Variants in SSBP2 observed in about 807,000 individuals in gnomAD.
SSBP2 encodes single stranded DNA binding protein 2, also known as single-stranded DNA-binding protein 2.
Under a neutral mutation model 61.8 loss-of-function variants are expected in SSBP2, and 17 were observed. The ratio of observed to expected loss-of-function variants is 0.28; its 90% CI spans 0.19 to 0.41. The LOEUF is 0.41. Ranked by LOEUF, SSBP2 falls within the 10% of genes least tolerant of loss-of-function variation. SSBP2 has a pLI of 1.00. For missense variants in SSBP2, 310 were observed against 458.7 expected (o/e 0.68, Z 2.96); for synonymous variants, 139 against 141.3 (o/e 0.98, Z 0.12).
intron 5 of SSBP2, among the ~76,000 whole-genome samples, chr5:81,494,862 C>A (rs1392290777): frequency 1.3e-5 from 2 of 152,006 alleles, no homozygotes; most frequent in Non-Finnish European, 1.5e-5. Context: ...CAAATGTTCA[C>A]CTCATTTTCT....
intron 1 of SSBP2, among the ~76,000 whole-genome samples, chr5:81,651,752 T>C (rs1054089496): frequency 4.6e-5 from 7 of 152,200 alleles, no homozygotes; most frequent in African/African-American, 1.7e-4. Context: ...GGAATATTCC[T>C]GTAGTTTCAA....
intron 4 of SSBP2, among the ~76,000 whole-genome samples, chr5:81,564,757 C>T (rs773297780): frequency 1.1e-4 from 17 of 152,188 alleles, no homozygotes; most frequent in Non-Finnish European, 2.2e-4. Flanking sequence ...GAGAAAGCTG[C>T]GCTAAAGAAC....
chr5:81,529,163 A>G (rs1162605379), intron 4 of SSBP2, among the ~76,000 whole-genome samples: 1 of 152,138 alleles, frequency 6.6e-6, no homozygotes, highest in Non-Finnish European at 1.5e-5. Flanking sequence ...CTGTAAGGTA[A>G]TATGTAGAAT....
chr5:81,573,544 C>T (rs1261581707), intron 4 of SSBP2, among the ~76,000 whole-genome samples: 2 of 152,194 alleles, frequency 1.3e-5, no homozygotes, highest in African/African-American at 4.8e-5. Flanking sequence ...AGATATCACT[C>T]ATAGGAAATA....
At chr5:81,523,548 C>T (rs2154097016) in intron 4 of SSBP2, among the ~76,000 whole-genome samples, 1 of 152,146 alleles carries the variant, frequency 6.6e-6, no homozygotes, top group South Asian at 2.1e-4. Flanking sequence ...GTGCAATTAC[C>T]TCTCAAAATG....
Position 81,418,477 on chromosome 5 carries a change from T to G in SSBP2, c.*2027A>C, listed in dbSNP as rs1761414282. ...TATTTTTACAAGGACTAAATCATTATGAATTTGAGAGAAGTAAGTCATCAG... is the reference window on the plus strand; with the variant it reads ...TATTTTTACAAGGACTAAATCATTAGGAATTTGAGAGAAGTAAGTCATCAG... On this transcript the variant is annotated 3_prime_UTR_variant, in exon 17 of 17. Transcript: ENST00000320672. 1 of 152,206 alleles carries G rather than the reference T, an allele frequency of 6.6e-6. No individual in the cohort carries two copies. The allele number at this position is 152,206 out of a possible 1,614,324, so 9.4% of individuals were successfully genotyped here. A position where few individuals can be genotyped will look rare whatever the true frequency, so the allele number is the denominator to read the frequency against.
At chr5:81,478,355 T>TTCTGATACAGAAAAAAAATAAGAC (rs1196705693) in intron 6 of SSBP2, among the ~76,000 whole-genome samples, 23 of 152,020 alleles carry the variant, frequency 1.5e-4, no homozygotes, top group Non-Finnish European at 2.6e-4. Context: ...TTTATTTTTT[T>TTCTGATACAGAAAAAAAATAAGAC]TCTGATACAG....
intron 1 of SSBP2, among the ~76,000 whole-genome samples, chr5:81,689,257 T>A (rs1753033608): frequency 6.6e-6 from 1 of 152,042 alleles, no homozygotes; most frequent in Non-Finnish European, 1.5e-5. Flanking sequence ...ATCTAAGAGT[T>A]ATTGGCTGTA....
intron 12 of SSBP2, among the ~76,000 whole-genome samples, chr5:81,443,650 C>T (rs1580698085): frequency 6.6e-6 from 1 of 152,196 alleles, no homozygotes; most frequent in Non-Finnish European, 1.5e-5. Flanking sequence ...GCAACCTCCG[C>T]CTCCCGGGTT....
At chr5:81,649,459 A>C (rs1036133142) in intron 2 of SSBP2, among the ~76,000 whole-genome samples, 30 of 152,140 alleles carry the variant, frequency 2.0e-4, no homozygotes, top group Admixed American at 2.0e-3. Flanking sequence ...GAATGAAATC[A>C]TGTCTTTTAC....
At chr5:81,649,619 T>G (rs998440095) in intron 2 of SSBP2, among the ~76,000 whole-genome samples, 1 of 151,864 alleles carries the variant, frequency 6.6e-6, no homozygotes, top group African/African-American at 2.4e-5. Flanking sequence ...TACAGACTAC[T>G]AGAGGTGAGA....
intron 5 of SSBP2, among the ~76,000 whole-genome samples, chr5:81,502,208 A>G (rs1314263037): frequency 6.6e-6 from 1 of 152,186 alleles, no homozygotes; most frequent in African/African-American, 2.4e-5. Flanking sequence ...CCTTGTTGTT[A>G]AATCCAATGG....
intron 1 of SSBP2, among the ~76,000 whole-genome samples, chr5:81,721,094 G>A (rs748502393): frequency 2.0e-5 from 3 of 152,096 alleles, no homozygotes; most frequent in African/African-American, 7.2e-5. Flanking sequence ...TTTTTATAAA[G>A]AGCCACAATA....
chr5:81,493,275 TAGATAGA>T (rs1285326635), intron 5 of SSBP2, among the ~76,000 whole-genome samples: 1 of 151,248 alleles, frequency 6.6e-6, no homozygotes, highest in Non-Finnish European at 1.5e-5. Context: ...GATAGATAGA[TAGATAGA>T]TAGATAGATA....
At chr5:81,643,397 C>A (rs554168140) in intron 2 of SSBP2, among the ~76,000 whole-genome samples, 1 of 152,010 alleles carries the variant, frequency 6.6e-6, no homozygotes, top group Admixed American at 6.5e-5. Context: ...ACAATAAAAC[C>A]AATTCCTGTG....
intron 8 of SSBP2, among the ~76,000 whole-genome samples, chr5:81,469,123 T>C (rs1765082492): frequency 6.6e-6 from 1 of 152,012 alleles, no homozygotes; most frequent in Non-Finnish European, 1.5e-5. Flanking sequence ...ATTTTCCTTA[T>C]AGCTTTGGAC....
intron 4 of SSBP2, among the ~76,000 whole-genome samples, chr5:81,595,723 A>T (rs1225707663): frequency 6.6e-6 from 1 of 152,246 alleles, no homozygotes; most frequent in East Asian, 1.9e-4. Context: ...GCATATAAAC[A>T]GAACCAAAGA....
chr5:81,632,287 G>A (rs996866531), intron 3 of SSBP2, among the ~76,000 whole-genome samples: 1 of 151,878 alleles, frequency 6.6e-6, no homozygotes, highest in African/African-American at 2.4e-5. Context: ...CTTTTCTTTC[G>A]TTTCTATTCT....
At chr5:81,751,434 A>ACCCCTCCCCCCGCGCCGCCC (rs2154041049), upstream of SSBP2, among the ~76,000 whole-genome samples, 1 of 151,234 alleles carries the variant, frequency 6.6e-6, no homozygotes, top group East Asian at 2.0e-4. Context: ...CTCCGCCGCC[A>ACCCCTCCCCCCGCGCCGCCC]CCCCTCCCCC....
Sources: gnomAD v4.1 joint callset for allele counts (sites outside exome capture counted in the v4.1 genomes callset) on GRCh38, gnomAD v4.1.1 for gene constraint, MANE v1.5 for transcripts, NCBI Gene and HGNC (gene_info 2026-07-23, HGNC 2026-07-21) for gene names.